The following TRIO variants were observed in gnomAD, a reference collection of about 807,000 sequenced individuals.
The protein encoded by TRIO is trio Rho guanine nucleotide exchange factor.
A neutral mutation model predicts 351.9 loss-of-function variants in TRIO; 58 were observed. The ratio of observed to expected loss-of-function variants is 0.16; its 90% confidence interval spans 0.13 to 0.21. TRIO has a LOEUF of 0.21. Among genes scored for constraint, TRIO ranks in the 10% least tolerant of loss-of-function variants. TRIO has a pLI of 1.00. For synonymous variants in TRIO, 1,758 were observed against 1,595.7 expected, an observed-to-expected ratio of 1.10 and a Z score of -2.42; for missense variants, 3,201 against 4,027.8, an observed-to-expected ratio of 0.79 and a Z score of 5.56.
At chr5:14,256,525 C>T (rs951107835) in intron 1 of TRIO, among the ~76,000 whole-genome samples, 1 of 152,142 alleles carries the variant, frequency 6.6e-6, no homozygotes, top group African/African-American at 2.4e-5. Context: ...GTTCTTAAAC[C>T]GGATAGTGGT....
chr5:14,505,118 C>T (rs1434534512), intron 55 of TRIO, among the ~76,000 whole-genome samples: 4 of 152,232 alleles, frequency 2.6e-5, no homozygotes, highest in Admixed American at 6.5e-5. Flanking sequence ...CTCTGGTCCC[C>T]GTTGTACTTA....
intron 13 of TRIO, among the ~76,000 whole-genome samples, chr5:14,363,332 ACTTTTT>A (rs1384387860): frequency 1.3e-5 from 2 of 152,112 alleles, no homozygotes; most frequent in Admixed American, 6.5e-5. Context: ...GAGACCAAAT[ACTTTTT>A]CTTTTCTTTC....
intron 53 of TRIO, among the ~76,000 whole-genome samples, chr5:14,499,847 C>T (rs750276542): frequency 2.0e-5 from 3 of 151,534 alleles, no homozygotes; most frequent in African/African-American, 4.9e-5. Context: ...GTCAGGAGAT[C>T]GAGACCATCG....
chr5:14,197,748 A>G (rs897370694), intron 1 of TRIO, among the ~76,000 whole-genome samples: 2 of 152,320 alleles, frequency 1.3e-5, no homozygotes, highest in Non-Finnish European at 2.9e-5. Context: ...TGTTTTTTGC[A>G]CCAGTTCTTC....
intron 1 of TRIO, among the ~76,000 whole-genome samples, chr5:14,183,560 C>A (rs1381493701): frequency 1.3e-5 from 2 of 148,836 alleles, no homozygotes; most frequent in Admixed American, 6.8e-5. Context: ...TCCCTTCCCC[C>A]CCAAGAAAAG....
chr5:14,378,722 G>T (rs1183345709), intron 20 of TRIO, among the ~76,000 whole-genome samples: 1 of 151,902 alleles, frequency 6.6e-6, no homozygotes, highest in Non-Finnish European at 1.5e-5. Flanking sequence ...ACCACGCCTG[G>T]GTAATTTTTA....
At chr5:14,155,896 T>C (rs1271286819) in intron 1 of TRIO, among the ~76,000 whole-genome samples, 1 of 152,254 alleles carries the variant, frequency 6.6e-6, no homozygotes, top group Non-Finnish European at 1.5e-5. Context: ...GTAGCATCCA[T>C]TGATGATCTT....
intron 5 of TRIO, 27 bp from the exon 6 acceptor site, chr5:14,292,985 T>A (rs773800321): frequency 6.2e-7 from 1 of 1,613,844 alleles, no homozygotes. Flanking sequence ...CTGGAGTGAT[T>A]GCGGGTTGTC....
chr5:14,350,210 G>A (rs1742931902), intron 11 of TRIO, among the ~76,000 whole-genome samples: 1 of 152,128 alleles, frequency 6.6e-6, no homozygotes, highest in Non-Finnish European at 1.5e-5. Flanking sequence ...TGAGAACATG[G>A]GCACGATCTG....
At position 14,374,221 on chromosome 5, in the gene TRIO, T is replaced by G; in HGVS notation, c.3217-8T>G. 1 of 1,611,524 alleles carries G rather than the reference T, an allele frequency of 6.2e-7. No individual in the cohort carries two copies. Among genetic ancestry groups the G allele is most frequent in the Non-Finnish European group, 8.5e-7 (1 of 1,178,306 alleles). ...ATTAGCAACACATTGCTCTCCATTGTTTTTTAGGCTTGCACCCTTGCTCGG... is the reference window on the plus strand; with the variant it reads ...ATTAGCAACACATTGCTCTCCATTGGTTTTTAGGCTTGCACCCTTGCTCGG... On this transcript the variant is annotated splice_region_variant and splice_polypyrimidine_tract_variant and intron_variant, in intron 18 of 56. Coordinates refer to ENST00000344204, the MANE Select transcript of TRIO (RefSeq NM_007118.4).
rs528685632 is a variant in TRIO, at chr5:14,483,431, C to T, written c.6657+658C>T. Reference sequence around the variant, plus strand: ...TCTGCAGCTGTGCAGACCCTGAGGTCAGAAGGGAGATGTACTTCCCTTTGG... The same window carrying T: ...TCTGCAGCTGTGCAGACCCTGAGGTTAGAAGGGAGATGTACTTCCCTTTGG... On this transcript the variant is annotated intron_variant, in intron 46 of 56. Coordinates refer to ENST00000344204, the MANE Select transcript of TRIO (RefSeq NM_007118.4). 5.3e-5 allele frequency among the ~76,000 whole-genome samples: 8 copies of T among 152,332 alleles called. No individual in the cohort carries two copies. The South Asian group carries it at 1.7e-3, about 32-fold the overall frequency.
chr5:14,324,422 C>G (rs1740184153), intron 9 of TRIO, among the ~76,000 whole-genome samples: 1 of 152,178 alleles, frequency 6.6e-6, no homozygotes, highest in Non-Finnish European at 1.5e-5. Context: ...ACAGTGGCTA[C>G]AGTTGACAGA....
chr5:14,359,219 C>T (rs908524240), intron 12 of TRIO, 138 bp from the exon 13 acceptor site: 1 of 980,068 alleles, frequency 1.0e-6, no homozygotes, highest in Non-Finnish European at 1.5e-6. Flanking sequence ...TGCAGGAGAG[C>T]AGCCCGTTCC....
At chr5:14,225,032 G>A (rs1003829780) in intron 1 of TRIO, among the ~76,000 whole-genome samples, 23 of 152,164 alleles carry the variant, frequency 1.5e-4, no homozygotes, top group African/African-American at 5.3e-4. Flanking sequence ...CTCCTGAGCA[G>A]TTTCTGTTAT....
chr5:14,485,220 T>C lies in TRIO; in HGVS notation c.6809T>C (p.Leu2270Ser), dbSNP rs1257748564. The change falls in exon 47 of 57, where the codon TTA becomes TCA. Residue 2270 changes from leucine (L) to serine (S), a missense_variant. Leu to Ser is a moderately radical substitution (Grantham distance 145). This residue lies in a region of TRIO where 1,089 missense variants were observed against 954.9 expected (regional missense o/e 1.14). Transcript: ENST00000344204. ...TGGATCCATGAAATCAACCAAATTTTAGAAAACCAGCGCAATTTTTTAAAT... is the reference window on the plus strand; with the variant it reads ...TGGATCCATGAAATCAACCAAATTTCAGAAAACCAGCGCAATTTTTTAAAT... ...QTWIHEINQILENQRNFLNAL... is the reference protein window; with the variant it reads ...QTWIHEINQISENQRNFLNAL... 5.1e-6 allele frequency: 8 copies of C among 1,580,308 alleles called. No homozygotes were observed. The highest frequency in any genetic ancestry group is 6.9e-6 in the Non-Finnish European group (8 of 1,156,490).
In TRIO at chr5:14,316,576, G is replaced by A. The variant is rs745646251; in HGVS notation, c.1564G>A (p.Asp522Asn). The part of the protein sequence containing the change: ...LQRPLTPGSS[D>N]SLTASANYSK... ...GCGGCCCTTGACTCCCGGCAGCTCC[G>A]ATTCCCTGACAGCCTCTGCCAACTA... The change falls in exon 9 of 57, where the codon GAT becomes AAT. Residue 522 changes from aspartate (D) to asparagine (N), a missense_variant. Asp to Asn is a conservative substitution (Grantham distance 23, BLOSUM62 1). Around this residue, in one of 19 missense-constraint regions of TRIO, gnomAD observed 349 missense variants for 449.3 expected, o/e 0.78. Transcript: ENST00000344204. 8.1e-6 allele frequency: 13 copies of A among 1,614,040 alleles called. No individual in the cohort carries two copies. The highest frequency in any genetic ancestry group is 5.0e-5 in the Admixed American group (3 of 60,002).
intron 21 of TRIO, among the ~76,000 whole-genome samples, chr5:14,386,962 G>A (rs749250859): frequency 2.0e-5 from 3 of 152,202 alleles, no homozygotes; most frequent in South Asian, 2.1e-4. Context: ...GGGGACAGCC[G>A]TGGCCACACA....
chr5:14,358,091 T>A, intron 11 of TRIO, 87 bp from the exon 12 acceptor site: 1 of 1,471,770 alleles, frequency 6.8e-7, no homozygotes, highest in Non-Finnish European at 9.1e-7. Flanking sequence ...TCACACACCG[T>A]CTCCACTGGG....
chr5:14,333,082 C>T (rs145865873), intron 10 of TRIO, among the ~76,000 whole-genome samples: 2 of 152,294 alleles, frequency 1.3e-5, no homozygotes, highest in Non-Finnish European at 2.9e-5. Flanking sequence ...TGAGACTTGG[C>T]TCTTCCTGCA....
Sources: gnomAD v4.1 joint callset for allele counts (sites outside exome capture counted in the v4.1 genomes callset) on GRCh38, gnomAD v4.1.1 for gene constraint, gnomAD v4.1.1 regional missense constraint, MANE v1.5 for transcripts, NCBI Gene and HGNC (gene_info 2026-07-23, HGNC 2026-07-21) for gene names.